The following NOX4 variants were observed in gnomAD, a reference collection of about 807,000 sequenced individuals.
NOX4 encodes the protein kidney oxidase-1.
Under a neutral mutation model 87.6 loss-of-function variants are expected in NOX4, and 69 were observed. The ratio of observed to expected loss-of-function variants is 0.79; its 90% CI spans 0.65 to 0.96. The LOEUF is 0.96. Among genes scored for constraint, NOX4 ranks in the 40% least tolerant of loss-of-function variants. The probability of loss-of-function intolerance (pLI) is 0.00; values close to 1 mark genes in which losing one functional copy is unlikely to be tolerated. For missense variants in NOX4, 680 were observed against 681.5 expected, an observed-to-expected ratio of 1.00 and a Z score of 0.02; for synonymous variants, 275 against 238.2, an observed-to-expected ratio of 1.15 and a Z score of -1.42.
chr11:89,451,012 A>G (rs1220411896), intron 3 of NOX4, among the ~76,000 whole-genome samples: 1 of 144,014 alleles, frequency 6.9e-6, no homozygotes, highest in Admixed American at 7.3e-5. Context: ...GAAATGAACA[A>G]TGAGAACACT....
chr11:89,551,527 A>T, the NOX4 span, among the ~76,000 whole-genome samples: 20 of 152,200 alleles, frequency 1.3e-4, no homozygotes, highest in African/African-American at 3.9e-4. Context: ...CATCCCTTGT[A>T]GGTTGGATTC....
chr11:89,385,709 C>T (rs966795797), intron 11 of NOX4, among the ~76,000 whole-genome samples: 14 of 152,286 alleles, frequency 9.2e-5, no homozygotes, highest in South Asian at 4.1e-4. Flanking sequence ...CCCTTCCCTA[C>T]AAGTCAAGCT....
chr11:89,546,325 C>T, the NOX4 span, among the ~76,000 whole-genome samples: 3 of 152,128 alleles, frequency 2.0e-5, no homozygotes, highest in African/African-American at 7.2e-5. Context: ...AAATTTCAGC[C>T]TCTTAGAGGA....
At chr11:89,341,068 T>A (rs4107608) in intron 14 of NOX4, among the ~76,000 whole-genome samples, 1 of 151,818 alleles carries the variant, frequency 6.6e-6, no homozygotes, top group East Asian at 1.9e-4. Context: ...CTTTTGCTTA[T>A]AATCCTGAAA....
intron 13 of NOX4, among the ~76,000 whole-genome samples, chr11:89,350,847 A>G (rs1946426269): frequency 6.6e-6 from 1 of 152,134 alleles, no homozygotes; most frequent in Non-Finnish European, 1.5e-5. Flanking sequence ...TTATTCCCTT[A>G]CCTGGGACCA....
intron 2 of NOX4, among the ~76,000 whole-genome samples, chr11:89,483,939 G>A (rs1039891166): frequency 4.6e-5 from 7 of 152,056 alleles, no homozygotes; most frequent in African/African-American, 1.7e-4. Flanking sequence ...TTGGGCTTGA[G>A]TCCTGCTTCT....
At chr11:89,407,047 T>C (rs576418183) in intron 8 of NOX4, among the ~76,000 whole-genome samples, 1 of 152,214 alleles carries the variant, frequency 6.6e-6, no homozygotes, top group South Asian at 2.1e-4. Flanking sequence ...GATCATGTCT[T>C]ATGCATTTAT....
the NOX4 span, among the ~76,000 whole-genome samples, chr11:89,569,750 T>A: frequency 6.6e-6 from 1 of 152,114 alleles, no homozygotes; most frequent in Non-Finnish European, 1.5e-5. Flanking sequence ...ACACCTGTAA[T>A]CCCAGTACTT....
chr11:89,564,426 T>C, the NOX4 span, among the ~76,000 whole-genome samples: 5 of 152,032 alleles, frequency 3.3e-5, no homozygotes, highest in Non-Finnish European at 5.9e-5. Context: ...TCATGCACTA[T>C]CACAAGAACA....
At chr11:89,440,572 G>C (rs779888389) in intron 6 of NOX4, 116 bp downstream of exon 6, 1 of 558,786 alleles carries the variant, frequency 1.8e-6, no homozygotes, top group African/African-American at 2.0e-5. Flanking sequence ...TGATCCGCCC[G>C]CCTCAGCCTC....
chr11:89,357,218 T>C (rs1032948847), intron 12 of NOX4, among the ~76,000 whole-genome samples: 5 of 151,814 alleles, frequency 3.3e-5, no homozygotes, highest in African/African-American at 1.2e-4. Context: ...CTTCTACTGT[T>C]TTTTTTTCTC....
At chr11:89,583,132 A>C in the NOX4 span, among the ~76,000 whole-genome samples, 1 of 152,278 alleles carries the variant, frequency 6.6e-6, no homozygotes, top group East Asian at 1.9e-4. Context: ...TTACATTACA[A>C]ACAATGGCCA....
At chr11:89,333,591 AAGAT>A (rs1945567600) in intron 17 of NOX4, among the ~76,000 whole-genome samples, 1 of 151,802 alleles carries the variant, frequency 6.6e-6, no homozygotes, top group Non-Finnish European at 1.5e-5. Flanking sequence ...CACTTTCTGA[AAGAT>A]AAAAACTGTT....
At chr11:89,537,068 G>T in the NOX4 span, among the ~76,000 whole-genome samples, 1 of 152,148 alleles carries the variant, frequency 6.6e-6, no homozygotes, top group South Asian at 2.1e-4. Flanking sequence ...TGAAATTTTT[G>T]ACTGAAATCC....
intron 2 of NOX4, among the ~76,000 whole-genome samples, chr11:89,462,195 A>G (rs1008598961): frequency 9.8e-5 from 15 of 152,292 alleles, no homozygotes; most frequent in African/African-American, 3.1e-4. Context: ...GACACATGTA[A>G]AAACAAGGAA....
At chr11:89,421,093 T>C (rs1001291484) in intron 8 of NOX4, among the ~76,000 whole-genome samples, 1 of 152,118 alleles carries the variant, frequency 6.6e-6, no homozygotes, top group Non-Finnish European at 1.5e-5. Flanking sequence ...ATATAGGGAT[T>C]TCTACTTAAT....
At chr11:89,554,260 C>T in the NOX4 span, among the ~76,000 whole-genome samples, 3 of 151,920 alleles carry the variant, frequency 2.0e-5, no homozygotes, top group African/African-American at 7.3e-5. Context: ...TGTGGTCCTA[C>T]CACTATTGAA....
intron 11 of NOX4, among the ~76,000 whole-genome samples, chr11:89,387,217 G>A (rs1212645371): frequency 6.6e-6 from 1 of 151,998 alleles, no homozygotes; most frequent in Non-Finnish European, 1.5e-5. Flanking sequence ...GCCCAAGACT[G>A]CATGTATACA....
chr11:89,342,315 A>T (rs1946041770), intron 13 of NOX4, 122 bp from the exon 14 acceptor site: 3 of 771,036 alleles, frequency 3.9e-6, no homozygotes. Flanking sequence ...GCCTTATTTC[A>T]TGGTTTCTCA....
Sources: allele counts gnomAD v4.1 joint callset (sites outside exome capture counted in the v4.1 genomes callset), GRCh38; gene constraint gnomAD v4.1.1; transcripts MANE v1.5; gene names NCBI Gene and HGNC (gene_info 2026-07-23, HGNC 2026-07-21).